Variants in PPP1R9A observed in about 807,000 individuals in gnomAD.
PPP1R9A encodes the protein neurabin-1.
In PPP1R9A, 59 loss-of-function variants were observed where a neutral mutation model predicts 141.9. The observed-to-expected ratio is 0.42, with a 90% CI of 0.34 to 0.52. The LOEUF (loss-of-function observed/expected upper bound fraction) is 0.52. Ranked by LOEUF, PPP1R9A falls within the 20% of genes least tolerant of loss-of-function variation. The pLI, the probability that PPP1R9A is intolerant of heterozygous loss-of-function variation, is 0.10. For missense variants in PPP1R9A, 1,444 were observed against 1,611.9 expected (o/e 0.90, Z 1.78); for synonymous variants, 500 against 569.7 (o/e 0.88, Z 1.74).
In PPP1R9A at chr7:95,171,346, A is replaced by C. The variant is rs537802492; in HGVS notation, c.1754+9375A>C. Among the ~76,000 whole-genome samples, 36 of 151,704 alleles carry C rather than the reference A, an allele frequency of 2.4e-4. No homozygotes were observed. The South Asian group carries it at 7.5e-3, about 31-fold the overall frequency. ...AGGTTAAAAGTAACAGGATAGAAAA[A>C]ATGTGTCACGCTAGCATTAATCAAA... On this transcript the variant is annotated intron_variant, in intron 5 of 19. Transcript: ENST00000433360.
intron 4 of PPP1R9A, among the ~76,000 whole-genome samples, chr7:95,144,262 C>T (rs1025602885): frequency 1.3e-5 from 2 of 152,136 alleles, no homozygotes; most frequent in Admixed American, 6.6e-5. Flanking sequence ...CTGTGTCTGA[C>T]TTATTTCACT....
At chr7:95,156,401 C>A (rs1165719437) in intron 4 of PPP1R9A, 1 of 152,324 alleles carries the variant, frequency 6.6e-6, no homozygotes, top group Non-Finnish European at 1.5e-5. Flanking sequence ...AGGCACAGAT[C>A]TTATCTCCTT....
At chr7:95,210,353 A>G (rs1212725428) in intron 7 of PPP1R9A, among the ~76,000 whole-genome samples, 1 of 152,164 alleles carries the variant, frequency 6.6e-6, no homozygotes, top group Non-Finnish European at 1.5e-5. Flanking sequence ...AGGCATAAAA[A>G]ATAAAAATTA....
intron 4 of PPP1R9A, among the ~76,000 whole-genome samples, chr7:95,138,929 A>G (rs536843949): frequency 6.6e-6 from 1 of 152,146 alleles, no homozygotes; most frequent in East Asian, 1.9e-4. Flanking sequence ...CACTTAGGAA[A>G]ACAGTTTGGA....
chr7:94,980,860 T>A (rs1384165030), intron 2 of PPP1R9A, among the ~76,000 whole-genome samples: 1 of 152,126 alleles, frequency 6.6e-6, no homozygotes, highest in African/African-American at 2.4e-5. Context: ...CAGATAATTT[T>A]AAAAATGCAT....
In PPP1R9A at chr7:95,045,595, C is replaced by G. The variant is rs116735465; in HGVS notation, c.1396-65664C>G. 5.4e-3 allele frequency among the ~76,000 whole-genome samples: 827 copies of G among 152,346 alleles called. 8 individuals carry two copies. The highest frequency in any genetic ancestry group is 0.019 in the African/African-American group (773 of 41,586). On this transcript the variant is annotated intron_variant, in intron 2 of 19. Coordinates refer to ENST00000433360, the MANE Select transcript of PPP1R9A (RefSeq NM_001166160.2). ...CAAGCCTACTTGCCCAATTCCTGAGCTGCCAGTTACCAATTTCAAGTGTTT... is the reference window on the plus strand; with the variant it reads ...CAAGCCTACTTGCCCAATTCCTGAGGTGCCAGTTACCAATTTCAAGTGTTT...
chr7:94,983,153 T>C (rs1800341062), intron 2 of PPP1R9A, among the ~76,000 whole-genome samples: 1 of 152,188 alleles, frequency 6.6e-6, no homozygotes, highest in Non-Finnish European at 1.5e-5. Context: ...TGTGTGGTGT[T>C]ATTTCTGAGG....
At chr7:95,232,847 A>G (rs946673883) in intron 8 of PPP1R9A, among the ~76,000 whole-genome samples, 8 of 152,212 alleles carry the variant, frequency 5.3e-5, no homozygotes, top group Admixed American at 5.2e-4. Context: ...TAGAATGACA[A>G]TCATTAAAAA....
chr7:95,142,142 G>A (rs1014663852), intron 4 of PPP1R9A, among the ~76,000 whole-genome samples: 1 of 151,746 alleles, frequency 6.6e-6, no homozygotes, highest in Non-Finnish European at 1.5e-5. Context: ...TGTGCTTATT[G>A]GCCATTTTTA....
intron 2 of PPP1R9A, among the ~76,000 whole-genome samples, chr7:95,085,351 C>T (rs1238103542): frequency 2.6e-5 from 4 of 151,562 alleles, no homozygotes; most frequent in South Asian, 2.1e-4. Context: ...TCTCCCATCT[C>T]GGCCTCTCAG....
chr7:95,092,778 A>G (rs914618793), intron 2 of PPP1R9A, among the ~76,000 whole-genome samples: 1 of 152,250 alleles, frequency 6.6e-6, no homozygotes, highest in Non-Finnish European at 1.5e-5. Context: ...TGTTCTAGAC[A>G]AGAGGATAGT....
At chr7:95,017,195 T>A (rs752419818) in intron 2 of PPP1R9A, among the ~76,000 whole-genome samples, 5 of 152,126 alleles carry the variant, frequency 3.3e-5, no homozygotes, top group Non-Finnish European at 7.4e-5. Flanking sequence ...TGCAAGATAA[T>A]AAATTTTTGT....
chr7:95,152,865 G>A (rs1014181199), intron 4 of PPP1R9A, among the ~76,000 whole-genome samples: 7 of 135,848 alleles, frequency 5.2e-5, no homozygotes, highest in South Asian at 4.7e-4. Context: ...TTTTCTTTGA[G>A]GCAGAGACAG....
At chr7:95,112,392 A>G (rs1052517843) in intron 3 of PPP1R9A, among the ~76,000 whole-genome samples, 1 of 152,218 alleles carries the variant, frequency 6.6e-6, no homozygotes, top group Admixed American at 6.5e-5. Flanking sequence ...AACAGCTATT[A>G]TTAATAAGTC....
intron 12 of PPP1R9A, among the ~76,000 whole-genome samples, chr7:95,253,430 A>G (rs1799156482): frequency 1.3e-5 from 2 of 152,240 alleles, no homozygotes; most frequent in Non-Finnish European, 2.9e-5. Flanking sequence ...TTCATTTAAA[A>G]TTAAAATGAT....
intron 2 of PPP1R9A, among the ~76,000 whole-genome samples, chr7:95,052,527 G>C (rs1375053292): frequency 6.6e-6 from 1 of 152,176 alleles, no homozygotes. Flanking sequence ...AAGAAAGCAG[G>C]CTATAGGAGA....
At chr7:95,023,400 T>C (rs551668190) in intron 2 of PPP1R9A, among the ~76,000 whole-genome samples, 2 of 152,236 alleles carry the variant, frequency 1.3e-5, no homozygotes, top group Admixed American at 1.3e-4. Context: ...TAGCGGTCTA[T>C]TTTGTTGATC....
chr7:95,054,950 T>C (rs1811317161), intron 2 of PPP1R9A, among the ~76,000 whole-genome samples: 1 of 152,226 alleles, frequency 6.6e-6, no homozygotes, highest in East Asian at 1.9e-4. Flanking sequence ...AAGTTAACTA[T>C]TTTAACTTAC....
chr7:95,270,491 A>G (rs893870345), intron 14 of PPP1R9A, among the ~76,000 whole-genome samples: 1 of 152,148 alleles, frequency 6.6e-6, no homozygotes, highest in Non-Finnish European at 1.5e-5. Context: ...ATCAGTGGAA[A>G]TTAGGATGGA....
Sources: allele counts gnomAD v4.1 joint callset (sites outside exome capture counted in the v4.1 genomes callset), GRCh38; gene constraint gnomAD v4.1.1; transcripts MANE v1.5; gene names NCBI Gene and HGNC (gene_info 2026-07-23, HGNC 2026-07-21).